The following MFN1 variants were observed in gnomAD, a reference collection of about 807,000 sequenced individuals.
MFN1 encodes the protein mitofusin 1.
Under a neutral mutation model 92.4 loss-of-function variants are expected in MFN1, and 65 were observed. That is an observed-to-expected ratio of 0.70 (90% CI 0.58 to 0.86). The LOEUF (loss-of-function observed/expected upper bound fraction) is 0.86, where lower values mean the gene tolerates loss of function less well. MFN1 is among the 40% of genes least tolerant of loss of function. The pLI is 0.00. For missense variants in MFN1, 781 were observed against 868.0 expected, an observed-to-expected ratio of 0.90 and a Z score of 1.26; for synonymous variants, 297 against 300.9, an observed-to-expected ratio of 0.99 and a Z score of 0.13.
intron 9 of MFN1, among the ~76,000 whole-genome samples, chr3:179,370,050 A>G (rs1473016069): frequency 6.6e-6 from 1 of 152,200 alleles, no homozygotes; most frequent in Non-Finnish European, 1.5e-5. Context: ...TGAATGTATT[A>G]AAAAGAGACA....
chr3:179,377,534 G>A (rs1196710256), intron 12 of MFN1, 86 bp downstream of exon 12: 1 of 782,348 alleles, frequency 1.3e-6, no homozygotes, highest in Admixed American at 2.6e-5. Flanking sequence ...GCATTTCAGT[G>A]TATCAGTACA....
chr3:179,355,238 T>G (rs760969933), intron 3 of MFN1, among the ~76,000 whole-genome samples: 1 of 152,066 alleles, frequency 6.6e-6, no homozygotes. Flanking sequence ...GCCATCTTGG[T>G]TTTGGTGGGA....
intron 14 of MFN1, among the ~76,000 whole-genome samples, chr3:179,384,691 C>T (rs1472351019): frequency 6.6e-6 from 1 of 152,170 alleles, no homozygotes; most frequent in East Asian, 1.9e-4. Context: ...TGCCACCACA[C>T]CTAGCTAATT....
chr3:179,367,802 A>C lies in MFN1; in HGVS notation c.907+210A>C, dbSNP rs189884355. Among the ~76,000 whole-genome samples the C allele has an allele frequency of 2.4e-3, 366 of 151,484 alleles. 2 individuals carry two copies. The highest frequency in any genetic ancestry group is 8.2e-3 in the African/African-American group (338 of 41,284). Reference sequence around the variant, plus strand: ...GCTGGGCATGGTGGTGCACACCTGTAATCCCAGCTTCTTGGGGGGCTGAGG... The same window carrying C: ...GCTGGGCATGGTGGTGCACACCTGTCATCCCAGCTTCTTGGGGGGCTGAGG... On this transcript the variant is annotated intron_variant, in intron 8 of 17. Transcript: ENST00000471841.
intron 3 of MFN1, among the ~76,000 whole-genome samples, chr3:179,354,405 T>C (rs1189341706): frequency 6.6e-6 from 1 of 152,212 alleles, no homozygotes; most frequent in Non-Finnish European, 1.5e-5. Flanking sequence ...CGTTCTGCAT[T>C]CTTTTATTTT....
rs1713686581 is a variant in MFN1 at position 179,386,442 on chromosome 3, A to C, written c.1825A>C (p.Thr609Pro). Residue 609 changes from threonine (T) to proline (P), a missense_variant, in exon 16 of 18, where the codon ACT becomes CCT. Coordinates refer to ENST00000471841, the MANE Select transcript of MFN1 (RefSeq NM_033540.3). ...TGACTTTATCTTACAGATTTGGAAAACTATAGGCTGGAAACTCCTATCTGT... is the reference window on the plus strand; with the variant it reads ...TGACTTTATCTTACAGATTTGGAAACCTATAGGCTGGAAACTCCTATCTGT... ...IIIVGGVIWK[T>P]IGWKLLSVSL... The C allele has an allele frequency of 6.2e-7, 1 of 1,611,526 alleles. No individual in the cohort carries two copies. Among genetic ancestry groups the C allele is most frequent in the African/African-American group, 1.3e-5 (1 of 74,682 alleles).
At chr3:179,355,906 C>T (rs1001046094) in intron 3 of MFN1, among the ~76,000 whole-genome samples, 35 of 151,674 alleles carry the variant, frequency 2.3e-4, no homozygotes, top group African/African-American at 8.2e-4. Flanking sequence ...GAGCTTACAT[C>T]GCACCACTGC....
At chr3:179,362,316 A>G in intron 4 of MFN1, 42 bp from the exon 5 acceptor site, 2 of 1,515,130 alleles carry the variant, frequency 1.3e-6, no homozygotes, top group Non-Finnish European at 1.8e-6. Flanking sequence ...ATTGAATTTT[A>G]TTACAAGTGG....
intron 16 of MFN1, among the ~76,000 whole-genome samples, chr3:179,387,585 T>C (rs979552981): frequency 1.6e-3 from 4 of 2,468 alleles, no homozygotes; most frequent in African/African-American, 7.9e-3. Context: ...TTGTGGTTTC[T>C]TTTTTTTTTT....
intron 3 of MFN1, among the ~76,000 whole-genome samples, chr3:179,353,789 C>T (rs1712246308): frequency 6.6e-6 from 1 of 152,212 alleles, no homozygotes; most frequent in Non-Finnish European, 1.5e-5. Context: ...ACTTCATAGG[C>T]CTTCTAAGCT....
intron 3 of MFN1, among the ~76,000 whole-genome samples, chr3:179,357,228 T>A (rs1226651582): frequency 7.9e-5 from 12 of 152,280 alleles, no homozygotes; most frequent in Non-Finnish European, 2.9e-5. Flanking sequence ...GGTCAGTATC[T>A]GGTGTTACAT....
At chr3:179,355,874 C>T (rs1712327721) in intron 3 of MFN1, among the ~76,000 whole-genome samples, 1 of 151,964 alleles carries the variant, frequency 6.6e-6, no homozygotes, top group South Asian at 2.1e-4. Flanking sequence ...ATCACTTGAA[C>T]TCAGGAGGTG....
At chr3:179,363,943 A>G (rs1014996473) in intron 5 of MFN1, among the ~76,000 whole-genome samples, 1 of 152,100 alleles carries the variant, frequency 6.6e-6, no homozygotes, top group Non-Finnish European at 1.5e-5. Context: ...TCTTCACTGC[A>G]GCTCCTAGTA....
chr3:179,373,739 T>C (rs1390553848), intron 9 of MFN1, among the ~76,000 whole-genome samples: 1 of 152,014 alleles, frequency 6.6e-6, no homozygotes, highest in African/African-American at 2.4e-5. Flanking sequence ...AGTGGCGCTA[T>C]CTCAGCTCAC....
At chr3:179,359,925 T>G (rs1712506910) in intron 4 of MFN1, 1 of 152,092 alleles carries the variant, frequency 6.6e-6, no homozygotes, top group Admixed American at 6.6e-5. Context: ...ATTTTAGTTA[T>G]TTATTTGTTT....
At chr3:179,359,036 C>T (rs2108528893) in intron 4 of MFN1, 34 bp downstream of exon 4, 1 of 1,582,808 alleles carries the variant, frequency 6.3e-7, no homozygotes, top group African/African-American at 1.3e-5. Flanking sequence ...AATAATATAC[C>T]TGAAACAATG....
In MFN1 at chr3:179,377,336, A is replaced by G. The variant is rs759959549; in HGVS notation, c.1225-8A>G. 8 of 1,580,662 alleles carry G rather than the reference A, an allele frequency of 5.1e-6. No homozygotes were observed. Among genetic ancestry groups the G allele is most frequent in the Non-Finnish European group, 6.9e-6 (8 of 1,166,874 alleles). On this transcript the variant is annotated splice_region_variant and splice_polypyrimidine_tract_variant and intron_variant, in intron 11 of 17. Coordinates refer to ENST00000471841, the MANE Select transcript of MFN1 (RefSeq NM_033540.3). Reference sequence around the variant, plus strand: ...ATTATTTTAACTCCAAAATTTTCATATTTTCAGGTTTCATGTGCAATGACA... The same window carrying G: ...ATTATTTTAACTCCAAAATTTTCATGTTTTCAGGTTTCATGTGCAATGACA...
rs976892392 is a variant in MFN1, at chr3:179,386,746, C to G, written c.2012+117C>G. The G allele has an allele frequency of 5.3e-6, 5 of 941,138 alleles. No homozygotes were observed. In the Admixed American group the frequency reaches 1.1e-4, roughly 20 times the overall value. 58.3% of individuals were successfully genotyped at this position (941,138 alleles called of 1,614,324 possible). A position where few individuals can be genotyped will look rare whatever the true frequency, so the allele number is the denominator to read the frequency against. On this transcript the variant is annotated intron_variant, in intron 16 of 17. Coordinates refer to ENST00000471841, the MANE Select transcript of MFN1 (RefSeq NM_033540.3). ...GAATTATCACAAAATGAACATGTTT[C>G]GTGATGGCCATAAATGAGAAAAAAT...
chr3:179,386,460 C>A lies in MFN1; in HGVS notation c.1843C>A (p.Leu615Ile). The A allele has an allele frequency of 1.2e-6, 2 of 1,612,864 alleles. No homozygotes were observed. The highest frequency in any genetic ancestry group is 1.7e-6 in the Non-Finnish European group (2 of 1,179,628). The change falls in exon 16 of 18, where the codon CTA (leucine) becomes ATA (isoleucine). Residue 615 changes from leucine to isoleucine, a missense_variant. By Grantham distance (5) the Leu-to-Ile change is conservative. Coordinates refer to ENST00000471841, the MANE Select transcript of MFN1 (RefSeq NM_033540.3). ...VIWKTIGWKL[L>I]SVSLTMYGAL... ...TTGGAAAACTATAGGCTGGAAACTC[C>A]TATCTGTTTCATTAACTATGTATGG...
Sources: gnomAD v4.1 joint callset for allele counts (sites outside exome capture counted in the v4.1 genomes callset) on GRCh38, gnomAD v4.1.1 for gene constraint, MANE v1.5 for transcripts, NCBI Gene and HGNC (gene_info 2026-07-23, HGNC 2026-07-21) for gene names.